The following NEK1 variants were observed in gnomAD, a reference collection of about 807,000 sequenced individuals.
The protein encoded by NEK1 is serine/threonine-protein kinase Nek1.
Under a neutral mutation model 182.1 loss-of-function variants are expected in NEK1, and 137 were observed. The ratio of observed to expected loss-of-function variants is 0.75; its 90% confidence interval spans 0.65 to 0.87. NEK1 has a LOEUF of 0.87. NEK1 is among the 40% of genes least tolerant of loss of function. The probability of loss-of-function intolerance (pLI) is 0.00; values close to 1 mark genes in which losing one functional copy is unlikely to be tolerated. For missense variants in NEK1, 1,391 were observed against 1,494.4 expected, an observed-to-expected ratio of 0.93 and a Z score of 1.14; for synonymous variants, 513 against 492.2, an observed-to-expected ratio of 1.04 and a Z score of -0.56.
In NEK1 at chr4:169,585,500, G is replaced by A. The variant is rs1345755713; in HGVS notation, c.656C>T (p.Ser219Phe). 4 of 1,613,554 alleles carry A rather than the reference G, an allele frequency of 2.5e-6. No individual in the cohort carries two copies. The South Asian group carries it at 4.4e-5, about 18-fold the overall frequency. Residue 219 changes from serine (S) to phenylalanine (F), a missense_variant, in exon 10 of 36, where the codon TCT (serine) becomes TTT (phenylalanine). By Grantham distance (155) the Ser-to-Phe change is radical. Transcript: ENST00000507142. ...KNLVLKIISG[S>F]FPPVSLHYSY... ...ATAATGCAAAGACACAGGTGGAAAAGATCCAGATATTATCTTCAGTACCAG... is the reference window on the plus strand; with the variant it reads ...ATAATGCAAAGACACAGGTGGAAAAAATCCAGATATTATCTTCAGTACCAG...
intron 23 of NEK1, among the ~76,000 whole-genome samples, chr4:169,499,875 C>T (rs142321114): frequency 0.071 from 10,881 of 152,230 alleles, 1,272 homozygotes; most frequent in African/African-American, 0.25. Context: ...GCAGTCTGTC[C>T]GTTCTCAGAT....
intron 5 of NEK1, among the ~76,000 whole-genome samples, chr4:169,594,238 C>A (rs919117085): frequency 6.6e-6 from 1 of 152,062 alleles, no homozygotes; most frequent in Admixed American, 6.6e-5. Context: ...CAAACAGTAC[C>A]ACAATTCATC....
Position 169,561,735 on chromosome 4 carries a change from A to G in NEK1, c.1143T>C (p.Ile381=). 1.9e-6 allele frequency: 3 copies of G among 1,578,856 alleles called. No individual in the cohort carries two copies. Among genetic ancestry groups the G allele is most frequent in the Non-Finnish European group, 1.7e-6 (2 of 1,160,248 alleles). ...IEKEKKQKDQ[I]ISLMKAEQMK... ...TTTGTTCAGCCTTCATTAAACTAAT[A>G]ATCTGTAACAATTTTAAAGACAAGC... Residue 381 remains isoleucine (I), a splice_region_variant and synonymous_variant, in exon 15 of 36, where the codon ATT becomes ATC. Transcript: ENST00000507142.
chr4:169,436,438 G>A (rs928279485), intron 28 of NEK1, among the ~76,000 whole-genome samples: 1 of 152,172 alleles, frequency 6.6e-6, no homozygotes, highest in African/African-American at 2.4e-5. Flanking sequence ...CTTGCTCTAC[G>A]GTGGCTGAAA....
At chr4:169,591,999 G>A (rs1052681106) in intron 5 of NEK1, among the ~76,000 whole-genome samples, 4 of 150,220 alleles carry the variant, frequency 2.7e-5, no homozygotes, top group Admixed American at 1.3e-4. Context: ...AAAAATGCCC[G>A]AAAAACGCAT....
At chr4:169,426,033 G>C (rs1736328024) in intron 30 of NEK1, 113 bp downstream of exon 30, 4 of 734,918 alleles carry the variant, frequency 5.4e-6, no homozygotes, top group Non-Finnish European at 9.0e-6. Flanking sequence ...AAATGATTGA[G>C]ATGACTGATA....
intron 16 of NEK1, among the ~76,000 whole-genome samples, chr4:169,557,581 A>T (rs1256096757): frequency 6.6e-6 from 1 of 152,164 alleles, no homozygotes; most frequent in Non-Finnish European, 1.5e-5. Context: ...CACAATAATG[A>T]GAGTAAAAAA....
At chr4:169,578,479 A>T (rs561561754) in intron 11 of NEK1, among the ~76,000 whole-genome samples, 1 of 152,340 alleles carries the variant, frequency 6.6e-6, no homozygotes, top group East Asian at 1.9e-4. Context: ...AAAAAAATTT[A>T]ACTGGTAGTT....
intron 29 of NEK1, among the ~76,000 whole-genome samples, chr4:169,430,719 A>G (rs1468179047): frequency 6.6e-6 from 1 of 152,234 alleles, no homozygotes; most frequent in East Asian, 1.9e-4. Context: ...TGTACCAAAT[A>G]GTGAACCCTA....
intron 27 of NEK1, among the ~76,000 whole-genome samples, chr4:169,438,617 G>A (rs1738858650): frequency 6.6e-6 from 1 of 152,022 alleles, no homozygotes; most frequent in Non-Finnish European, 1.5e-5. Flanking sequence ...AAGGAGAGAG[G>A]AGGTTTACCT....
intron 2 of NEK1, among the ~76,000 whole-genome samples, chr4:169,610,534 A>G (rs1241429512): frequency 6.6e-6 from 1 of 150,520 alleles, no homozygotes; most frequent in Non-Finnish European, 1.5e-5. Context: ...GCTTGTCTCA[A>G]CCTCCTGACC....
chr4:169,574,684 G>C (rs1254416211), intron 12 of NEK1, among the ~76,000 whole-genome samples: 1 of 152,054 alleles, frequency 6.6e-6, no homozygotes, highest in Non-Finnish European at 1.5e-5. Context: ...ATACAGTCTG[G>C]TAGCAAAAGC....
intron 16 of NEK1, among the ~76,000 whole-genome samples, chr4:169,559,641 AT>A: frequency 6.6e-6 from 1 of 152,310 alleles, no homozygotes; most frequent in East Asian, 1.9e-4. Context: ...AATTGATCCA[AT>A]TTGACAAGTA....
At chr4:169,568,085 A>C (rs1290073006) in intron 12 of NEK1, among the ~76,000 whole-genome samples, 1 of 152,248 alleles carries the variant, frequency 6.6e-6, no homozygotes, top group Non-Finnish European at 1.5e-5. Context: ...TCATTTATCC[A>C]GATTCACCAA....
At chr4:169,493,935 C>G (rs1388455100) in intron 23 of NEK1, among the ~76,000 whole-genome samples, 3 of 152,078 alleles carry the variant, frequency 2.0e-5, no homozygotes, top group Non-Finnish European at 2.9e-5. Flanking sequence ...ACAAGAAATT[C>G]AGAGAACACC....
chr4:169,575,832 T>C (rs2150028645), intron 12 of NEK1, among the ~76,000 whole-genome samples: 1 of 152,274 alleles, frequency 6.6e-6, no homozygotes. Context: ...TCTTTAAAAA[T>C]TTGTGTCTTC....
At chr4:169,479,286 T>C in intron 24 of NEK1, 117 bp downstream of exon 24, 1 of 1,080,642 alleles carries the variant, frequency 9.3e-7, no homozygotes, top group Non-Finnish European at 1.3e-6. Context: ...TAAAAAGTAA[T>C]TTTTTTCCTT....
chr4:169,523,175 A>G (rs1159021423), intron 19 of NEK1, among the ~76,000 whole-genome samples: 2 of 152,226 alleles, frequency 1.3e-5, no homozygotes, highest in Admixed American at 6.5e-5. Flanking sequence ...AACATACTCT[A>G]TAACATGACT....
Position 169,524,999 on chromosome 4 carries a change from A to G in NEK1, c.1665+12810T>C, listed in dbSNP as rs532779041. On this transcript the variant is annotated intron_variant, in intron 19 of 35. Coordinates refer to ENST00000507142, the MANE Select transcript of NEK1 (RefSeq NM_001199397.3). Reference sequence around the variant, plus strand: ...GCCCTTTACAGAAAAATGTTTGCCAATCCTTGAGTTAGGGAAGAGTACAGA... The same window carrying G: ...GCCCTTTACAGAAAAATGTTTGCCAGTCCTTGAGTTAGGGAAGAGTACAGA... Among the ~76,000 whole-genome samples the G allele has an allele frequency of 3.9e-5, 6 of 152,334 alleles. No individual in the cohort carries two copies. The East Asian group carries it at 9.6e-4, about 24-fold the overall frequency.
Sources: gnomAD v4.1 joint callset for allele counts (sites outside exome capture counted in the v4.1 genomes callset) on GRCh38, gnomAD v4.1.1 for gene constraint, MANE v1.5 for transcripts, NCBI Gene and HGNC (gene_info 2026-07-23, HGNC 2026-07-21) for gene names.